The following RARB variants were observed in gnomAD, a reference collection of about 807,000 sequenced individuals.
RARB encodes the protein HBV-activated protein.
In RARB, 17 loss-of-function variants were observed where a neutral mutation model predicts 51.9. The ratio of observed to expected loss-of-function variants is 0.33; its 90% CI spans 0.22 to 0.49. The LOEUF (loss-of-function observed/expected upper bound fraction) is 0.49, where lower values mean the gene tolerates loss of function less well. RARB is among the 20% of genes least tolerant of loss of function. The pLI, the probability that RARB is intolerant of heterozygous loss-of-function variation, is 0.99. For synonymous variants in RARB, 215 were observed against 195.4 expected, an observed-to-expected ratio of 1.10 and a Z score of -0.84; for missense variants, 369 against 550.8, an observed-to-expected ratio of 0.67 and a Z score of 3.30.
At chr3:25,046,152 G>A (rs375044460) in intron 2 of RARB, among the ~76,000 whole-genome samples, 100 of 152,262 alleles carry the variant, frequency 6.6e-4, no homozygotes, top group African/African-American at 2.3e-3. Context: ...AGAAAATGAG[G>A]TCAAGAAAGG....
intron 2 of RARB, among the ~76,000 whole-genome samples, chr3:24,868,653 T>C (rs564720627): frequency 1.3e-5 from 2 of 152,286 alleles, no homozygotes; most frequent in East Asian, 3.9e-4. Context: ...ACAGACTTTT[T>C]AGGTATAATA....
At chr3:24,977,563 G>A (rs1696545339) in intron 2 of RARB, among the ~76,000 whole-genome samples, 1 of 152,110 alleles carries the variant, frequency 6.6e-6, no homozygotes, top group Non-Finnish European at 1.5e-5. Flanking sequence ...CTGTCTGTTG[G>A]TCTGTTATTG....
intron 2 of RARB, among the ~76,000 whole-genome samples, chr3:24,887,067 G>T (rs1202550490): frequency 1.3e-5 from 2 of 152,196 alleles, no homozygotes; most frequent in Non-Finnish European, 2.9e-5. Context: ...ATAGAGGCAT[G>T]AAAATGAGTA....
At chr3:24,850,477 G>A (rs960938721) in intron 1 of RARB, among the ~76,000 whole-genome samples, 3 of 152,224 alleles carry the variant, frequency 2.0e-5, no homozygotes, top group African/African-American at 7.2e-5. Flanking sequence ...ACGAGGGCAG[G>A]AAGTAGATAA....
At chr3:25,002,708 AATCT>A (rs1407880301) in intron 2 of RARB, among the ~76,000 whole-genome samples, 3 of 151,042 alleles carry the variant, frequency 2.0e-5, no homozygotes, top group African/African-American at 7.3e-5. Flanking sequence ...TATACACATA[AATCT>A]ATATATGTGT....
At chr3:25,344,139 G>T (rs1034005946) in intron 5 of RARB, among the ~76,000 whole-genome samples, 1 of 152,142 alleles carries the variant, frequency 6.6e-6, no homozygotes, top group East Asian at 1.9e-4. Flanking sequence ...TGCCTCAGGG[G>T]TGATGGGGCA....
rs1702253338 is a variant in RARB at position 24,829,582 on chromosome 3, G to A, written c.-459+179G>A. Among the ~76,000 whole-genome samples, 3 of 152,218 alleles carry A rather than the reference G, an allele frequency of 2.0e-5. No homozygotes were observed. The South Asian group carries it at 6.2e-4, about 31-fold the overall frequency. On this transcript the variant is annotated intron_variant, in intron 1 of 11. Transcript: ENST00000383772. ...CGGCGGGGCCGGGGGCTGGGGGTTG[G>A]GGGGTCTGCAGCGGGAGCCCGCGAC...
chr3:25,556,007 A>ATTT (rs35199932), intron 3 of RARB, among the ~76,000 whole-genome samples: 4 of 149,012 alleles, frequency 2.7e-5, no homozygotes, highest in African/African-American at 7.4e-5. Context: ...GACATCTTGT[A>ATTT]TTTTTTTTTT....
chr3:25,091,084 C>A (rs1699190151), intron 3 of RARB, among the ~76,000 whole-genome samples: 1 of 152,098 alleles, frequency 6.6e-6, no homozygotes, highest in Non-Finnish European at 1.5e-5. Flanking sequence ...GCCATTTGAT[C>A]CTGGGGCTTG....
rs1169368066 is a variant in RARB, at chr3:25,171,647, A to AAAAAAAAAAAAC, written c.-279-2461_-279-2460insCAAAAAAAAAAA. 2.7e-5 allele frequency among the ~76,000 whole-genome samples: 4 copies of AAAAAAAAAAAAC among 146,172 alleles called. 1 individual carries two copies. Among genetic ancestry groups the AAAAAAAAAAAAC allele is most frequent in the Non-Finnish European group, 6.0e-5 (4 of 66,258 alleles). On this transcript the variant is annotated intron_variant, in intron 4 of 11. Transcript: ENST00000383772. Reference sequence around the variant, plus strand: ...TCCCAACCAGTCCCTGGTTGGTAAAAAAAAAAAAAAAAAACAGCTTTAAAA... The same window carrying AAAAAAAAAAAAC: ...TCCCAACCAGTCCCTGGTTGGTAAAAAAAAAAAAAAACAAAAAAAAAAAAAACAGCTTTAAAA...
chr3:24,899,476 A>G (rs931097316), intron 2 of RARB, among the ~76,000 whole-genome samples: 5 of 152,200 alleles, frequency 3.3e-5, no homozygotes, highest in African/African-American at 9.6e-5. Flanking sequence ...GCCGAATATT[A>G]TATGGTTTTC....
At chr3:24,927,454 C>G (rs561053998) in intron 2 of RARB, among the ~76,000 whole-genome samples, 1 of 152,056 alleles carries the variant, frequency 6.6e-6, no homozygotes, top group Non-Finnish European at 1.5e-5. Flanking sequence ...AATGCAGTTA[C>G]CAAGATCTTT....
intron 3 of RARB, among the ~76,000 whole-genome samples, chr3:25,113,591 G>T (rs968631509): frequency 6.6e-6 from 1 of 152,074 alleles, no homozygotes; most frequent in Non-Finnish European, 1.5e-5. Flanking sequence ...ATTATCCAAT[G>T]CATTGGCTTC....
chr3:24,904,240 ATG>A (rs961094943), intron 2 of RARB, among the ~76,000 whole-genome samples: 2 of 152,200 alleles, frequency 1.3e-5, no homozygotes, highest in African/African-American at 4.8e-5. Context: ...ACATGTTGTA[ATG>A]TGTGTGTTAG....
chr3:25,507,231 G>GCT (rs1468158420), intron 3 of RARB, among the ~76,000 whole-genome samples: 16 of 152,190 alleles, frequency 1.1e-4, no homozygotes, highest in African/African-American at 3.9e-4. Context: ...ATAGCATGAA[G>GCT]CTTTGCTCGG....
intron 1 of RARB, among the ~76,000 whole-genome samples, chr3:25,455,111 C>G (rs144603027): frequency 4.9e-4 from 75 of 152,286 alleles, no homozygotes; most frequent in African/African-American, 1.6e-3. Context: ...AAATGCAATC[C>G]GGAGACCTGT....
chr3:24,945,753 C>A (rs1382126215), intron 2 of RARB, among the ~76,000 whole-genome samples: 1 of 152,236 alleles, frequency 6.6e-6, no homozygotes, highest in African/African-American at 2.4e-5. Context: ...AGATGTATTT[C>A]TTGTTCTCCT....
At chr3:25,453,205 T>C (rs2125544361) in intron 1 of RARB, among the ~76,000 whole-genome samples, 1 of 151,802 alleles carries the variant, frequency 6.6e-6, no homozygotes, top group African/African-American at 2.4e-5. Context: ...AGGATGCCTA[T>C]TCTGATTCTG....
At chr3:25,055,018 A>T (rs748696410) in intron 2 of RARB, among the ~76,000 whole-genome samples, 16 of 152,196 alleles carry the variant, frequency 1.1e-4, no homozygotes, top group Non-Finnish European at 1.5e-4. Flanking sequence ...ATCAGTCTCT[A>T]AATACTTCGT....
Sources: gnomAD v4.1 joint callset for allele counts (sites outside exome capture counted in the v4.1 genomes callset) on GRCh38, gnomAD v4.1.1 for gene constraint, MANE v1.5 for transcripts, NCBI Gene and HGNC (gene_info 2026-07-23, HGNC 2026-07-21) for gene names.